Variants in ZBTB16 observed in about 807,000 individuals in gnomAD.
ZBTB16 encodes zinc finger and BTB domain-containing protein 16.
ZBTB16 carries 8 observed loss-of-function variants against 56.8 expected under a neutral mutation model. The observed-to-expected ratio is 0.14, with a 90% CI of 0.08 to 0.25. The LOEUF is 0.25. Among genes scored for constraint, ZBTB16 ranks in the 10% least tolerant of loss-of-function variants. The pLI is 1.00. For synonymous variants in ZBTB16, 363 were observed against 368.5 expected (o/e 0.98, Z 0.17); for missense variants, 625 against 903.0 (o/e 0.69, Z 3.95).
In ZBTB16 at chr11:114,079,221, T is replaced by G. The variant is rs189531275; in HGVS notation, c.1268+14653T>G. Among the ~76,000 whole-genome samples the G allele has an allele frequency of 2.6e-5, 4 of 152,294 alleles. No individual in the cohort carries two copies. In the South Asian group the frequency reaches 6.2e-4, roughly 24 times the overall value. On this transcript the variant is annotated intron_variant, in intron 2 of 6. Coordinates refer to ENST00000335953, the MANE Select transcript of ZBTB16 (RefSeq NM_006006.6). Reference sequence around the variant, plus strand: ...GCTTCTCTGAGCCCCTGTTTACTTTTCTTTTGAAAATGACCACCTTGTCCA... The same window carrying G: ...GCTTCTCTGAGCCCCTGTTTACTTTGCTTTTGAAAATGACCACCTTGTCCA...
At chr11:114,169,150 C>T (rs1224727753) in intron 3 of ZBTB16, among the ~76,000 whole-genome samples, 1 of 152,126 alleles carries the variant, frequency 6.6e-6, no homozygotes, top group Non-Finnish European at 1.5e-5. Context: ...ACTGGGTGCT[C>T]TGCTTCTGGT....
chr11:114,244,375 G>A (rs117916633), intron 5 of ZBTB16, among the ~76,000 whole-genome samples: 1,968 of 151,884 alleles, frequency 0.013, 25 homozygotes, highest in Middle Eastern at 0.027. Flanking sequence ...TGGGGGGGGC[G>A]GGGTCACAGG....
rs142053360 is a variant in ZBTB16 at position 114,230,875 on chromosome 11, C to A, written c.1454-11292C>A. On this transcript the variant is annotated intron_variant, in intron 4 of 6. Coordinates refer to ENST00000335953, the MANE Select transcript of ZBTB16 (RefSeq NM_006006.6). ...GTCTCCCTGGGCCTTTGTCTTGCCT[C>A]TGTCTCTCTCTCTTTTCTGTCTGGG... Among the ~76,000 whole-genome samples the A allele has an allele frequency of 2.2e-4, 33 of 152,290 alleles. No homozygotes were observed. In the East Asian group the frequency reaches 6.4e-3, roughly 29 times the overall value.
chr11:114,064,683 G>A lies in ZBTB16; in HGVS notation c.1268+115G>A. The A allele has an allele frequency of 1.5e-6, 2 of 1,332,382 alleles. No homozygotes were observed. Among genetic ancestry groups the A allele is most frequent in the Non-Finnish European group, 2.1e-6 (2 of 963,418 alleles). The allele number at this position is 1,332,382 out of a possible 1,614,324, so 82.5% of individuals were successfully genotyped here. A position where few individuals can be genotyped will look rare whatever the true frequency, so the allele number is the denominator to read the frequency against. On this transcript the variant is annotated intron_variant, in intron 2 of 6. Transcript: ENST00000335953. The surrounding 1 kb of genome is among the most constrained non-coding windows in gnomAD (Gnocchi z 4.2). Reference sequence around the variant, plus strand: ...TGGCTCCCCTGTCTTGGCAATTTGTGAAAAAACCAGAACACTTCTTCTAAA... The same window carrying A: ...TGGCTCCCCTGTCTTGGCAATTTGTAAAAAAACCAGAACACTTCTTCTAAA...
chr11:114,138,992 A>G (rs1338878626), intron 2 of ZBTB16, among the ~76,000 whole-genome samples: 1 of 150,862 alleles, frequency 6.6e-6, no homozygotes, highest in Admixed American at 6.6e-5. Context: ...TGCCTGGCCT[A>G]CTCCCTTCCT....
At chr11:114,148,445 C>CTTTCTTTCTTTCTTTCTT (rs1555143959) in intron 2 of ZBTB16, among the ~76,000 whole-genome samples, 4 of 56,924 alleles carry the variant, frequency 7.0e-5, no homozygotes, top group Admixed American at 4.2e-4. Flanking sequence ...CTTTCTCTCT[C>CTTTCTTTCTTTCTTTCTT]TCTGTCTGTC....
intron 4 of ZBTB16, among the ~76,000 whole-genome samples, chr11:114,241,833 G>C (rs1167990495): frequency 6.6e-6 from 1 of 152,138 alleles, no homozygotes; most frequent in Non-Finnish European, 1.5e-5. Flanking sequence ...CCTGTACTCT[G>C]TGAAGTCCAT....
intron 2 of ZBTB16, among the ~76,000 whole-genome samples, chr11:114,133,424 G>A (rs370786982): frequency 4.6e-5 from 7 of 152,104 alleles, no homozygotes; most frequent in Admixed American, 1.3e-4. Context: ...CCCACTAGCC[G>A]CTGAGTGGAG....
rs746719669 is a variant in ZBTB16 at position 114,063,877 on chromosome 11, C to G, written c.577C>G (p.Leu193Val). 2.5e-6 allele frequency: 4 copies of G among 1,614,142 alleles called. No individual in the cohort carries two copies. Among genetic ancestry groups the G allele is most frequent in the Non-Finnish European group, 3.4e-6 (4 of 1,180,050 alleles). Residue 193 changes from leucine (L) to valine (V), a missense_variant, in exon 2 of 7, where the codon CTT becomes GTT. Physicochemically the swap from Leu to Val is conservative, Grantham distance 32 (BLOSUM62 1). This residue lies in a region of ZBTB16 where 384 missense variants were observed against 393.5 expected (regional missense o/e 0.98). Transcript: ENST00000335953. The surrounding 1 kb of genome is among the most constrained non-coding windows in gnomAD (Gnocchi z 6.5). ...CCCTTCAGTCTCCACTTCATTTGGT[C>G]TTTCAGCCATGAGTCCCACCAAGGC... ...QSPSVSTSFG[L>V]SAMSPTKAAV...
intron 3 of ZBTB16, among the ~76,000 whole-genome samples, chr11:114,177,387 A>G (rs1943143849): frequency 6.6e-6 from 1 of 152,076 alleles, no homozygotes; most frequent in African/African-American, 2.4e-5. Context: ...AGTAGCTGGG[A>G]TTACAGGCAT....
chr11:114,137,142 G>A (rs1029652695), intron 2 of ZBTB16, among the ~76,000 whole-genome samples: 3 of 152,194 alleles, frequency 2.0e-5, no homozygotes, highest in Non-Finnish European at 2.9e-5. Flanking sequence ...TTGCATCTGT[G>A]TCTTCTCTTG....
At chr11:114,077,475 T>G (rs1939612853) in intron 2 of ZBTB16, among the ~76,000 whole-genome samples, 2 of 151,970 alleles carry the variant, frequency 1.3e-5, no homozygotes, top group Non-Finnish European at 2.9e-5. Flanking sequence ...CTATGCATTT[T>G]TTTTTCCTAC....
At chr11:114,069,069 C>T (rs529854868) in intron 2 of ZBTB16, among the ~76,000 whole-genome samples, 2 of 152,186 alleles carry the variant, frequency 1.3e-5, no homozygotes, top group Admixed American at 6.5e-5. Context: ...GCACAGACAC[C>T]GTCGCAACTC....
At chr11:114,082,106 A>C in intron 2 of ZBTB16, among the ~76,000 whole-genome samples, 1 of 103,720 alleles carries the variant, frequency 9.6e-6, no homozygotes, top group African/African-American at 3.9e-5. Flanking sequence ...ATATAGCGAG[A>C]CGATCTTTAC....
intron 4 of ZBTB16, among the ~76,000 whole-genome samples, chr11:114,235,340 G>A (rs61904704): frequency 1.3e-5 from 2 of 152,232 alleles, no homozygotes; most frequent in Non-Finnish European, 2.9e-5. Flanking sequence ...CTTTGATTAA[G>A]AAACTGCTTA....
At chr11:114,127,716 CAGAA>C (rs1941548045) in intron 2 of ZBTB16, among the ~76,000 whole-genome samples, 1 of 152,112 alleles carries the variant, frequency 6.6e-6, no homozygotes, top group African/African-American at 2.4e-5. Context: ...CAGAAGAACT[CAGAA>C]AGGGGCCTAC....
intron 4 of ZBTB16, among the ~76,000 whole-genome samples, chr11:114,233,064 C>G (rs1434832922): frequency 1.3e-5 from 1 of 76,750 alleles, no homozygotes; most frequent in African/African-American, 3.5e-5. Context: ...TGCACATACG[C>G]ATGCGCGCGC....
At chr11:114,148,398 TCCCTCCC>T (rs1942177391) in intron 2 of ZBTB16, among the ~76,000 whole-genome samples, 3 of 23,854 alleles carry the variant, frequency 1.3e-4, no homozygotes, top group African/African-American at 7.8e-4. Flanking sequence ...CCTCCTTCCC[TCCCTCCC>T]TCCCTCCCTC....
chr11:114,190,621 G>T (rs1015425756), intron 4 of ZBTB16, among the ~76,000 whole-genome samples: 2 of 151,960 alleles, frequency 1.3e-5, no homozygotes, highest in Admixed American at 6.6e-5. Context: ...ATATTAAATG[G>T]TATGTGTATT....
Sources: gnomAD v4.1 joint callset for allele counts (sites outside exome capture counted in the v4.1 genomes callset) on GRCh38, gnomAD v4.1.1 for gene constraint, gnomAD v4.1.1 regional missense constraint, Gnocchi (gnomAD v3.1) non-coding constraint, MANE v1.5 for transcripts, NCBI Gene and HGNC (gene_info 2026-07-23, HGNC 2026-07-21) for gene names.